GABRB1: variants seen among roughly 807,000 people sequenced by gnomAD.
GABRB1 encodes gamma-aminobutyric acid receptor subunit beta-1.
Under a neutral mutation model 51.6 loss-of-function variants are expected in GABRB1, and 17 were observed. The ratio of observed to expected loss-of-function variants is 0.33; its 90% CI spans 0.23 to 0.49. GABRB1 has a LOEUF of 0.49. Ranked by LOEUF, GABRB1 falls within the 20% of genes least tolerant of loss-of-function variation. The pLI is 0.99. For missense variants in GABRB1, 410 were observed against 600.6 expected (o/e 0.68, Z 3.32); for synonymous variants, 247 against 218.9 (o/e 1.13, Z -1.14).
chr4:46,996,827 T>C (rs2109423172), intron 1 of GABRB1, among the ~76,000 whole-genome samples: 1 of 152,272 alleles, frequency 6.6e-6, no homozygotes, highest in African/African-American at 2.4e-5. Context: ...GGTAATAAAT[T>C]AAATAATCTG....
intron 4 of GABRB1, among the ~76,000 whole-genome samples, chr4:47,308,947 T>G (rs896815484): frequency 6.6e-6 from 1 of 152,162 alleles, no homozygotes; most frequent in African/African-American, 2.4e-5. Flanking sequence ...CCTGGCAATT[T>G]GTCCACTACA....
chr4:47,405,700 C>T (rs1728544056), intron 7 of GABRB1, among the ~76,000 whole-genome samples: 2 of 152,126 alleles, frequency 1.3e-5, no homozygotes, highest in Admixed American at 6.5e-5. Flanking sequence ...TAATTTATAA[C>T]TGTAAGTGTT....
At chr4:47,370,920 A>AT (rs113505913) in intron 5 of GABRB1, among the ~76,000 whole-genome samples, 5 of 150,854 alleles carry the variant, frequency 3.3e-5, no homozygotes, top group South Asian at 4.2e-4. Flanking sequence ...CTACCACTTT[A>AT]TTTTTTTTTT....
At chr4:47,263,417 G>A (rs1722529442) in intron 4 of GABRB1, among the ~76,000 whole-genome samples, 1 of 152,140 alleles carries the variant, frequency 6.6e-6, no homozygotes, top group African/African-American at 2.4e-5. Flanking sequence ...TCACCGGGAA[G>A]AAGAGAAAAA....
chr4:47,167,037 T>C (rs748455276), intron 4 of GABRB1, among the ~76,000 whole-genome samples: 1 of 152,164 alleles, frequency 6.6e-6, no homozygotes, highest in Non-Finnish European at 1.5e-5. Context: ...GGATTGTGTA[T>C]TTGTTGAAAA....
At chr4:47,196,592 T>C (rs1159573581) in intron 4 of GABRB1, among the ~76,000 whole-genome samples, 4 of 152,186 alleles carry the variant, frequency 2.6e-5, no homozygotes, top group Non-Finnish European at 5.9e-5. Flanking sequence ...CTTCTGGAGT[T>C]ATGGCTCACC....
At chr4:47,417,456 C>A (rs1193440130) in intron 8 of GABRB1, among the ~76,000 whole-genome samples, 1 of 151,936 alleles carries the variant, frequency 6.6e-6, no homozygotes, top group Admixed American at 6.6e-5. Flanking sequence ...CTCCTCCCCC[C>A]GAGAAAAGGT....
At chr4:47,079,883 G>C (rs989379053) in intron 3 of GABRB1, among the ~76,000 whole-genome samples, 1 of 151,030 alleles carries the variant, frequency 6.6e-6, no homozygotes, top group Non-Finnish European at 1.5e-5. Context: ...AGCATTAGGA[G>C]ATATATCTAA....
chr4:47,027,959 A>G (rs1465027492), upstream of GABRB1, among the ~76,000 whole-genome samples: 2 of 151,736 alleles, frequency 1.3e-5, no homozygotes, highest in African/African-American at 4.8e-5. Flanking sequence ...CATCCTTAAA[A>G]TAAATTGTGG....
chr4:47,076,218 G>A (rs1031528632), intron 3 of GABRB1, among the ~76,000 whole-genome samples: 18 of 152,186 alleles, frequency 1.2e-4, no homozygotes, highest in African/African-American at 3.4e-4. Context: ...TTTCTCCTAA[G>A]AGGCTGGTCT....
At chr4:47,378,955 C>T (rs1040028899) in intron 5 of GABRB1, among the ~76,000 whole-genome samples, 5 of 152,138 alleles carry the variant, frequency 3.3e-5, no homozygotes, top group African/African-American at 1.2e-4. Context: ...CTCCGTCACA[C>T]CAGAACTGCT....
chr4:47,007,766 C>T (rs1724450461), intron 1 of GABRB1, among the ~76,000 whole-genome samples: 1 of 150,902 alleles, frequency 6.6e-6, no homozygotes, highest in African/African-American at 2.4e-5. Context: ...GGCAAGAGGC[C>T]GGATAGGGGA....
intron 4 of GABRB1, among the ~76,000 whole-genome samples, chr4:47,231,224 A>C (rs1306509359): frequency 6.6e-6 from 1 of 152,210 alleles, no homozygotes; most frequent in African/African-American, 2.4e-5. Flanking sequence ...TGTTTAGTAA[A>C]ATTGATTTTT....
At chr4:47,403,052 A>C (rs1728451060) in intron 5 of GABRB1, among the ~76,000 whole-genome samples, 1 of 152,212 alleles carries the variant, frequency 6.6e-6, no homozygotes, top group Non-Finnish European at 1.5e-5. Flanking sequence ...TAGTAGATAC[A>C]ATAAGAATAA....
intron 4 of GABRB1, among the ~76,000 whole-genome samples, chr4:47,297,003 A>G (rs1029773283): frequency 1.3e-5 from 2 of 152,188 alleles, no homozygotes; most frequent in Admixed American, 6.5e-5. Flanking sequence ...CTGCTCCTGA[A>G]TGACTACTGG....
intron 4 of GABRB1, among the ~76,000 whole-genome samples, chr4:47,264,562 A>C (rs1420155702): frequency 6.6e-6 from 1 of 152,254 alleles, no homozygotes; most frequent in East Asian, 1.9e-4. Context: ...AGTTAATAGC[A>C]TATAACTCAA....
At chr4:47,221,672 A>G (rs967426067) in intron 4 of GABRB1, among the ~76,000 whole-genome samples, 2 of 151,992 alleles carry the variant, frequency 1.3e-5, no homozygotes, top group Non-Finnish European at 2.9e-5. Context: ...TGCTCTTAGA[A>G]AAAATGCAGG....
intron 4 of GABRB1, among the ~76,000 whole-genome samples, chr4:47,285,676 T>C (rs891963493): frequency 6.6e-6 from 1 of 152,224 alleles, no homozygotes; most frequent in African/African-American, 2.4e-5. Flanking sequence ...TTCCTAACTA[T>C]GTGACATTGG....
Position 47,036,383 on chromosome 4 carries a change from A to G in GABRB1, c.240+3899A>G, listed in dbSNP as rs575945834. Among the ~76,000 whole-genome samples the G allele has an allele frequency of 9.2e-5, 14 of 152,260 alleles. No homozygotes were observed. The East Asian group carries it at 2.3e-3, about 25-fold the overall frequency. On this transcript the variant is annotated intron_variant, in intron 3 of 8. Transcript: ENST00000295454. ...TCCCAGTCCCCACATGAATTTCTCT[A>G]GGTCAGTGCTTCTCAATCTTTAACA...
Sources: gnomAD v4.1 joint callset for allele counts (sites outside exome capture counted in the v4.1 genomes callset) on GRCh38, gnomAD v4.1.1 for gene constraint, MANE v1.5 for transcripts, NCBI Gene and HGNC (gene_info 2026-07-23, HGNC 2026-07-21) for gene names.